CCSER1: variants seen among roughly 807,000 people sequenced by gnomAD.
CCSER1 encodes serine-rich coiled-coil domain-containing protein 1.
In CCSER1, 41 loss-of-function variants were observed where a neutral mutation model predicts 82.0. The observed-to-expected ratio is 0.50, with a 90% confidence interval of 0.39 to 0.65. The LOEUF is 0.65. Ranked by LOEUF, CCSER1 falls within the 30% of genes least tolerant of loss-of-function variation. CCSER1 has a pLI of 0.00. For synonymous variants in CCSER1, 414 were observed against 383.9 expected (o/e 1.08, Z -0.92); for missense variants, 1,119 against 1,064.2 (o/e 1.05, Z -0.72).
At chr4:90,155,269 G>A (rs996884588) in intron 1 of CCSER1, among the ~76,000 whole-genome samples, 1 of 152,104 alleles carries the variant, frequency 6.6e-6, no homozygotes, top group Non-Finnish European at 1.5e-5. Flanking sequence ...TGTGCTGTTG[G>A]ATTCAGTTTG....
intron 6 of CCSER1, among the ~76,000 whole-genome samples, chr4:90,666,172 A>C (rs1731748216): frequency 6.6e-6 from 1 of 152,148 alleles, no homozygotes; most frequent in Non-Finnish European, 1.5e-5. Flanking sequence ...AGATGCAAAA[A>C]AAACTTTGCT....
At chr4:90,892,790 A>G (rs1456046401) in intron 8 of CCSER1, among the ~76,000 whole-genome samples, 1 of 152,098 alleles carries the variant, frequency 6.6e-6, no homozygotes, top group African/African-American at 2.4e-5. Flanking sequence ...TGAAAGGAAC[A>G]CATTAGTATA....
intron 9 of CCSER1, among the ~76,000 whole-genome samples, chr4:91,068,862 A>C (rs1721120949): frequency 6.6e-6 from 1 of 152,196 alleles, no homozygotes; most frequent in African/African-American, 2.4e-5. Flanking sequence ...AACAATGCTC[A>C]AATATTAAAA....
At chr4:90,940,624 T>C (rs2150326007) in intron 9 of CCSER1, among the ~76,000 whole-genome samples, 1 of 152,222 alleles carries the variant, frequency 6.6e-6, no homozygotes, top group Non-Finnish European at 1.5e-5. Flanking sequence ...AAAATTATGG[T>C]TGATAATTAT....
intron 9 of CCSER1, among the ~76,000 whole-genome samples, chr4:90,933,007 A>G (rs1187728642): frequency 3.7e-5 from 2 of 54,684 alleles, no homozygotes; most frequent in Admixed American, 1.9e-4. Flanking sequence ...AAAGAAAGAA[A>G]GAAAGAAAGA....
intron 10 of CCSER1, among the ~76,000 whole-genome samples, chr4:91,181,522 G>A (rs888240814): frequency 3.8e-4 from 58 of 152,162 alleles, no homozygotes; most frequent in African/African-American, 1.2e-3. Flanking sequence ...TGAGGTTGAG[G>A]TGCCACTATA....
At chr4:91,006,770 C>T (rs1020594589) in intron 9 of CCSER1, among the ~76,000 whole-genome samples, 9 of 152,202 alleles carry the variant, frequency 5.9e-5, no homozygotes, top group East Asian at 1.9e-4. Context: ...GGATTACAGG[C>T]GGCCTTTTAT....
At position 91,603,317 on chromosome 4, in the gene CCSER1, A is replaced by C. The variant is rs746997452; in HGVS notation, c.*4260A>C. The C allele has an allele frequency of 3.3e-5, 5 of 152,106 alleles. No individual in the cohort carries two copies. The highest frequency in any genetic ancestry group is 7.4e-5 in the Non-Finnish European group (5 of 67,974). The allele number at this position is 152,106 out of a possible 1,614,324, so 9.4% of individuals were successfully genotyped here. A position where few individuals can be genotyped will look rare whatever the true frequency, so the allele number is the denominator to read the frequency against. On this transcript the variant is annotated 3_prime_UTR_variant, in exon 11 of 11. Coordinates refer to ENST00000509176, the MANE Select transcript of CCSER1 (RefSeq NM_001145065.2). ...ACCATGTTAAACTGCATACATACCC[A>C]TGAACTATTTATTTACAATACATTT...
chr4:90,140,259 G>A (rs1219989778), intron 1 of CCSER1, among the ~76,000 whole-genome samples: 1 of 152,100 alleles, frequency 6.6e-6, no homozygotes, highest in Non-Finnish European at 1.5e-5. Context: ...TAGGTGTTTT[G>A]TAGTGAAACT....
At chr4:90,260,363 T>C (rs1456258107) in intron 1 of CCSER1, among the ~76,000 whole-genome samples, 1 of 152,170 alleles carries the variant, frequency 6.6e-6, no homozygotes, top group African/African-American at 2.4e-5. Context: ...AGTATTGAAG[T>C]CTTCCACTAT....
intron 5 of CCSER1, among the ~76,000 whole-genome samples, chr4:90,606,301 T>TA (rs1473919481): frequency 1.3e-5 from 2 of 152,194 alleles, no homozygotes; most frequent in African/African-American, 2.4e-5. Flanking sequence ...AGAGTGTACT[T>TA]ACACAAACCT....
chr4:91,435,512 A>G (rs76633551), intron 10 of CCSER1, among the ~76,000 whole-genome samples: 3,912 of 152,206 alleles, frequency 0.026, 91 homozygotes, highest in Non-Finnish European at 0.037. Context: ...TCAAAAATAA[A>G]TTGCTTTCTC....
intron 9 of CCSER1, among the ~76,000 whole-genome samples, chr4:91,044,035 C>G (rs1379087056): frequency 6.6e-6 from 1 of 152,114 alleles, no homozygotes. Context: ...TACAAAGACC[C>G]AGGTGTTTAC....
chr4:90,260,339 C>G (rs1325356722), intron 1 of CCSER1, among the ~76,000 whole-genome samples: 1 of 152,036 alleles, frequency 6.6e-6, no homozygotes, highest in African/African-American at 2.4e-5. Flanking sequence ...GATGATCTGT[C>G]TAGTGTTCTG....
At chr4:90,649,693 T>C (rs988836935) in intron 6 of CCSER1, 2 of 152,202 alleles carry the variant, frequency 1.3e-5, no homozygotes, top group Non-Finnish European at 2.9e-5. Context: ...CCCAAACATA[T>C]TAAGACAAAG....
intron 1 of CCSER1, among the ~76,000 whole-genome samples, chr4:90,129,983 A>G (rs893488060): frequency 3.3e-5 from 5 of 152,200 alleles, no homozygotes; most frequent in Non-Finnish European, 5.9e-5. Flanking sequence ...CCTATTTATG[A>G]GTATTTTGTT....
intron 3 of CCSER1, among the ~76,000 whole-genome samples, chr4:90,388,508 C>T (rs1750441926): frequency 6.6e-6 from 1 of 152,154 alleles, no homozygotes; most frequent in Admixed American, 6.5e-5. Context: ...CGGGGTTTCA[C>T]CATCTTAGCC....
intron 3 of CCSER1, among the ~76,000 whole-genome samples, chr4:90,317,789 G>A (rs1031846870): frequency 1.3e-5 from 2 of 152,158 alleles, no homozygotes; most frequent in South Asian, 4.1e-4. Context: ...AGCTAACTCT[G>A]CAAACATTGC....
intron 1 of CCSER1, among the ~76,000 whole-genome samples, chr4:90,248,243 T>G (rs1721791522): frequency 6.6e-6 from 1 of 152,220 alleles, no homozygotes; most frequent in African/African-American, 2.4e-5. Flanking sequence ...ATTGTTTTCC[T>G]AGGGCGTGTC....
Sources: gnomAD v4.1 joint callset for allele counts (sites outside exome capture counted in the v4.1 genomes callset) on GRCh38, gnomAD v4.1.1 for gene constraint, MANE v1.5 for transcripts, NCBI Gene and HGNC (gene_info 2026-07-23, HGNC 2026-07-21) for gene names.